Variants in NAXD observed in about 807,000 individuals in gnomAD.
NAXD encodes the protein NAD(P)HX dehydratase, also known as ATP-dependent (S)-NAD(P)H-hydrate dehydratase.
Under a neutral mutation model 35.8 loss-of-function variants are expected in NAXD, and 22 were observed. That is an observed-to-expected ratio of 0.62 (90% CI 0.44 to 0.88). The LOEUF is 0.88. NAXD is among the 40% of genes least tolerant of loss of function. NAXD has a pLI of 0.00. For missense variants in NAXD, 428 were observed against 437.7 expected, an observed-to-expected ratio of 0.98 and a Z score of 0.20; for synonymous variants, 189 against 177.6, an observed-to-expected ratio of 1.06 and a Z score of -0.51.
At chr13:110,637,311 T>TA in intron 9 of NAXD, 62 bp downstream of exon 9, 1 of 1,588,450 alleles carries the variant, frequency 6.3e-7, no homozygotes. Flanking sequence ...GCTGTTTCAG[T>TA]AGCTCATGCG....
At chr13:110,630,773 C>T (rs961295195) in intron 5 of NAXD, among the ~76,000 whole-genome samples, 5 of 152,138 alleles carry the variant, frequency 3.3e-5, no homozygotes, top group Admixed American at 3.3e-4. Context: ...TGGAGAGACT[C>T]CTTTTTCCTC....
chr13:110,638,176 C>T lies in NAXD; in HGVS notation c.840-202C>T. 6.2e-6 allele frequency: 9 copies of T among 1,459,908 alleles called. No homozygotes were observed. The highest frequency in any genetic ancestry group is 7.4e-6 in the Non-Finnish European group (8 of 1,080,712). 90.4% of individuals were successfully genotyped at this position (1,459,908 alleles called of 1,614,324 possible). A position where few individuals can be genotyped will look rare whatever the true frequency, so the allele number is the denominator to read the frequency against. On this transcript the variant is annotated intron_variant, in intron 9 of 9. Transcript: ENST00000680254. This position sits in a 1 kb window ranked among gnomAD's most constrained non-coding sequence, Gnocchi z 5.4. ...GAGTACATAGACGTTTCCTGTGTGC[C>T]TCCTGCCAGGGAGTAGTGGAGGGTT...
In NAXD at chr13:110,615,552, G is replaced by C. The variant is rs1175415279; in HGVS notation, c.-50G>C. The C allele has an allele frequency of 9.0e-6, 12 of 1,338,224 alleles. No homozygotes were observed. The highest frequency in any genetic ancestry group is 8.6e-6 in the Non-Finnish European group (9 of 1,044,548). 82.9% of individuals were successfully genotyped at this position (1,338,224 alleles called of 1,614,324 possible). On this transcript the variant is annotated 5_prime_UTR_variant, in exon 1 of 10. Coordinates refer to ENST00000680254, the MANE Select transcript of NAXD (RefSeq NM_001242882.2). ...AAACCGGAAAACGCTTCCAATGGCT[G>C]TGTTTCCGGCGACGGCGCGGGGGCA...
rs753802608 is a variant in NAXD, at chr13:110,615,652, G to C, written c.46+5G>C. ...CAATCCGGGCTTGCAGACGAGGTAA[G>C]GTCGATTCCATTTGGCCCGGGGATG... On this transcript the variant is annotated splice_donor_5th_base_variant and intron_variant, in intron 1 of 9. Coordinates refer to ENST00000680254, the MANE Select transcript of NAXD (RefSeq NM_001242882.2). 1 of 1,509,346 alleles carries C rather than the reference G, an allele frequency of 6.6e-7. No individual in the cohort carries two copies. The highest frequency in any genetic ancestry group is 2.1e-5 in the Admixed American group (1 of 47,682). 93.5% of individuals were successfully genotyped at this position (1,509,346 alleles called of 1,614,324 possible). A position where few individuals can be genotyped will look rare whatever the true frequency, so the allele number is the denominator to read the frequency against.
intron 4 of NAXD, among the ~76,000 whole-genome samples, chr13:110,626,302 A>G (rs924734231): frequency 1.3e-5 from 2 of 152,122 alleles, no homozygotes; most frequent in Non-Finnish European, 2.9e-5. Context: ...ATTTGCCGAC[A>G]GATTGGATTG....
intron 9 of NAXD, chr13:110,637,722 C>T (rs1220183378): frequency 2.2e-6 from 1 of 460,254 alleles, no homozygotes; most frequent in Non-Finnish European, 4.4e-6. Context: ...AGTTCCCATA[C>T]CTCTAAGCAT....
Position 110,624,251 on chromosome 13 carries a change from A to G in NAXD, c.215A>G (p.Tyr72Cys), listed in dbSNP as rs1886375326. ...CTTTTTAGGTACACTGGAGCCCCAT[A>G]TTTTGCAGCAATCTCAGCTCTCAAA... ...GGCQEYTGAP[Y>C]FAAISALKVG... Residue 72 changes from tyrosine (Y) to cysteine (C), a missense_variant, in exon 3 of 10, where the codon TAT (tyrosine) becomes TGT (cysteine). By Grantham distance (194) the Tyr-to-Cys change is radical (BLOSUM62 -2). Around this residue, in one of 3 missense-constraint regions of NAXD, gnomAD observed 208 missense variants for 193.0 expected, o/e 1.08. Transcript: ENST00000680254. The G allele has an allele frequency of 6.2e-7, 1 of 1,609,686 alleles. No individual in the cohort carries two copies. Among genetic ancestry groups the G allele is most frequent in the South Asian group, 1.1e-5 (1 of 90,690 alleles).
chr13:110,627,430 C>G lies in NAXD; in HGVS notation c.333-9C>G. 1 of 1,605,368 alleles carries G rather than the reference C, an allele frequency of 6.2e-7. No individual in the cohort carries two copies. Reference sequence around the variant, plus strand: ...GGGTAACCATCCTGGCCTTCCTTTCCTTCTTTAGTGACAGCCCCAATGCTG... The same window carrying G: ...GGGTAACCATCCTGGCCTTCCTTTCGTTCTTTAGTGACAGCCCCAATGCTG... On this transcript the variant is annotated splice_polypyrimidine_tract_variant and intron_variant, in intron 4 of 9. Coordinates refer to ENST00000680254, the MANE Select transcript of NAXD (RefSeq NM_001242882.2).
intron 1 of NAXD, among the ~76,000 whole-genome samples, chr13:110,621,841 C>T (rs7984349): frequency 0.03 from 4,526 of 152,158 alleles, 243 homozygotes; most frequent in African/African-American, 0.1. Context: ...ACCAGCATGG[C>T]CAACATGATG....
At chr13:110,629,888 T>C (rs577268300) in intron 5 of NAXD, among the ~76,000 whole-genome samples, 2 of 152,320 alleles carry the variant, frequency 1.3e-5, no homozygotes, top group South Asian at 4.1e-4. Context: ...CAGCACTTGT[T>C]ACTGTTGTTG....
In NAXD at chr13:110,618,087, C is replaced by G. The variant is rs374247001; in HGVS notation, c.46+2440C>G. Among the ~76,000 whole-genome samples the G allele has an allele frequency of 1.6e-4, 24 of 152,188 alleles. No homozygotes were observed. In the South Asian group the frequency reaches 2.5e-3, roughly 16 times the overall value. ...CTACCATGTAGGTTGTCTGTGTGCT[C>G]GAAAGGTTTCAGAACCCCACATGTA... On this transcript the variant is annotated intron_variant, in intron 1 of 9. Coordinates refer to ENST00000680254, the MANE Select transcript of NAXD (RefSeq NM_001242882.2).
At chr13:110,632,774 G>T (rs1368197947) in intron 5 of NAXD, among the ~76,000 whole-genome samples, 1 of 151,562 alleles carries the variant, frequency 6.6e-6, no homozygotes, top group Admixed American at 6.6e-5. Context: ...GTTCTCCAAG[G>T]CCCCACCAGA....
At position 110,638,564 on chromosome 13, in the gene NAXD, C is replaced by G; in HGVS notation, c.*36C>G. 1.2e-6 allele frequency: 2 copies of G among 1,608,562 alleles called. No individual in the cohort carries two copies. The highest frequency in any genetic ancestry group is 1.7e-6 in the Non-Finnish European group (2 of 1,177,432). On this transcript the variant is annotated 3_prime_UTR_variant, in exon 10 of 10. Coordinates refer to ENST00000680254, the MANE Select transcript of NAXD (RefSeq NM_001242882.2). This position sits in a 1 kb window ranked among gnomAD's most constrained non-coding sequence, Gnocchi z 5.4. The stretch of plus-strand genomic sequence containing the variant: ...ACCAGAAGTAAACAGGCACCTTGGA[C>G]GGGGGAGAGCGTGTGTGTGATGGGA...
At position 110,638,776 on chromosome 13, in the gene NAXD, G is replaced by GT. The variant is rs1887047226; in HGVS notation, c.*249dup. 1 of 661,824 alleles carries GT rather than the reference G, an allele frequency of 1.5e-6. No individual in the cohort carries two copies. The highest frequency in any genetic ancestry group is 1.8e-5 in the African/African-American group (1 of 56,220). 41.0% of individuals were successfully genotyped at this position (661,824 alleles called of 1,614,324 possible). A position where few individuals can be genotyped will look rare whatever the true frequency, so the allele number is the denominator to read the frequency against. ...TTCCTGAACTTTCCTTAGCTCCTTGGTAGTAACTGGGAAGACAGAAATGAA... is the reference window on the plus strand; with the variant it reads ...TTCCTGAACTTTCCTTAGCTCCTTGGTTAGTAACTGGGAAGACAGAAATGAA... On this transcript the variant is annotated 3_prime_UTR_variant, in exon 10 of 10. Transcript: ENST00000680254. The surrounding 1 kb of genome is among the most constrained non-coding windows in gnomAD (Gnocchi z 5.4).
intron 7 of NAXD, 37 bp from the exon 8 acceptor site, chr13:110,635,431 G>A: frequency 6.2e-7 from 1 of 1,606,690 alleles, no homozygotes; most frequent in Non-Finnish European, 8.5e-7. Context: ...GTCTGAGGAA[G>A]ACTTTGCTTT....
chr13:110,622,440 C>T (rs752250901), intron 2 of NAXD, 74 bp downstream of exon 2: 77 of 1,486,898 alleles, frequency 5.2e-5, no homozygotes, highest in Middle Eastern at 1.8e-4. Context: ...CTGTCATTCA[C>T]GCTGTCTAGT....
chr13:110,623,677 C>T (rs1429217907), intron 2 of NAXD, among the ~76,000 whole-genome samples: 6 of 152,262 alleles, frequency 3.9e-5, no homozygotes, highest in Admixed American at 2.0e-4. Flanking sequence ...GAGATTCACT[C>T]TCCTGAAATG....
chr13:110,626,179 C>G (rs330558), intron 4 of NAXD, among the ~76,000 whole-genome samples: 52,187 of 151,700 alleles, frequency 0.34, 9,975 homozygotes, highest in African/African-American at 0.5. Context: ...AAGGCTCCTA[C>G]GCGGCTGTGG....
intron 1 of NAXD, among the ~76,000 whole-genome samples, chr13:110,620,370 A>G (rs1253689868): frequency 3.3e-5 from 5 of 151,784 alleles, no homozygotes; most frequent in Non-Finnish European, 7.4e-5. Flanking sequence ...TCACAAGGTC[A>G]GGAGATCGAG....
Sources: allele counts gnomAD v4.1 joint callset (sites outside exome capture counted in the v4.1 genomes callset), GRCh38; gene constraint gnomAD v4.1.1; regional missense constraint gnomAD v4.1.1; non-coding constraint Gnocchi (gnomAD v3.1); transcripts MANE v1.5; gene names NCBI Gene and HGNC (gene_info 2026-07-23, HGNC 2026-07-21).